ZNF700: variants seen among roughly 807,000 people sequenced by gnomAD.
ZNF700 encodes the protein zinc finger protein 700.
ZNF700 carries 38 observed loss-of-function variants against 65.3 expected under a neutral mutation model. The observed-to-expected ratio is 0.58, with a 90% CI of 0.45 to 0.76. The LOEUF is 0.76. Ranked by LOEUF, ZNF700 falls within the 30% of genes least tolerant of loss-of-function variation. The pLI, the probability that ZNF700 is intolerant of heterozygous loss-of-function variation, is 0.00. For synonymous variants in ZNF700, 285 were observed against 290.4 expected, an observed-to-expected ratio of 0.98 and a Z score of 0.19; for missense variants, 857 against 888.4, an observed-to-expected ratio of 0.96 and a Z score of 0.45.
In ZNF700 at chr19:11,933,826, C is replaced by T. The variant is rs552450802; in HGVS notation, c.63+8553C>T. 1.6e-4 allele frequency among the ~76,000 whole-genome samples: 22 copies of T among 141,280 alleles called. 1 individual carries two copies. The South Asian group carries it at 3.7e-3, about 24-fold the overall frequency. 92.7% of individuals were successfully genotyped at this position (141,280 alleles called of 152,430 possible). ...CGCCACTGCACTCTAGCCTGGGTGACGGAGCAAGACTCCATCTCAGAAAAA... is the reference window on the plus strand; with the variant it reads ...CGCCACTGCACTCTAGCCTGGGTGATGGAGCAAGACTCCATCTCAGAAAAA... On this transcript the variant is annotated intron_variant, in intron 1 of 3. Coordinates refer to ENST00000254321, the MANE Select transcript of ZNF700 (RefSeq NM_144566.3).
chr19:11,942,909 T>A (rs1370878778), intron 1 of ZNF700, among the ~76,000 whole-genome samples: 1 of 152,168 alleles, frequency 6.6e-6, no homozygotes, highest in Non-Finnish European at 1.5e-5. Context: ...CCTTCCTTAT[T>A]CCCCCCTTTG....
Position 11,948,719 on chromosome 19 carries a change from A to T in ZNF700, c.695A>T (p.His232Leu), listed in dbSNP as rs1305618301. ...TGTAAATTTTGTGGGAAAGCCTTCC[A>T]TTCTTTCAGTTTATATCTTATCCAT... ...YKCKFCGKAFHSFSLYLIHER... is the reference protein window; with the variant it reads ...YKCKFCGKAFLSFSLYLIHER... Residue 232 changes from histidine (H) to leucine (L), a missense_variant, in exon 4 of 4, where the codon CAT (histidine) becomes CTT (leucine). Physicochemically the swap from His to Leu is moderately conservative, Grantham distance 99 (BLOSUM62 -3). Coordinates refer to ENST00000254321, the MANE Select transcript of ZNF700 (RefSeq NM_144566.3). 1 of 1,612,976 alleles carries T rather than the reference A, an allele frequency of 6.2e-7. No homozygotes were observed. Among genetic ancestry groups the T allele is most frequent in the Non-Finnish European group, 8.5e-7 (1 of 1,179,784 alleles).
intron 1 of ZNF700, among the ~76,000 whole-genome samples, chr19:11,936,578 C>G (rs1972799760): frequency 6.6e-6 from 1 of 152,080 alleles, no homozygotes. Flanking sequence ...CTTGTAGATT[C>G]TGGATATTAG....
At chr19:11,935,248 T>TC (rs1436504042) in intron 1 of ZNF700, among the ~76,000 whole-genome samples, 2 of 141,148 alleles carry the variant, frequency 1.4e-5, no homozygotes, top group East Asian at 4.1e-4. Context: ...TTTTTTTTTT[T>TC]TTTTTTGAGA....
chr19:11,946,926 G>C lies in ZNF700; in HGVS notation c.64-255G>C, dbSNP rs138680695. 6.8e-6 allele frequency: 4 copies of C among 588,260 alleles called. No individual in the cohort carries two copies. In the Admixed American group the frequency reaches 1.3e-4, roughly 20 times the overall value. 36.4% of individuals were successfully genotyped at this position (588,260 alleles called of 1,614,324 possible). On this transcript the variant is annotated intron_variant, in intron 1 of 3. Transcript: ENST00000254321. Reference sequence around the variant, plus strand: ...GAGGCAGGAGAATCGCTTGAACCCCGGTGGTGAGCCAATATCACGCCATTG... The same window carrying C: ...GAGGCAGGAGAATCGCTTGAACCCCCGTGGTGAGCCAATATCACGCCATTG...
chr19:11,949,430 C>T lies in ZNF700; in HGVS notation c.1406C>T (p.Thr469Ile), dbSNP rs745396087. Reference protein sequence around the residue: ...SHLRVHGRTHTGEKPYECKEC... With the variant: ...SHLRVHGRTHIGEKPYECKEC... ...CTTCGAGTGCATGGTAGGACTCATA[C>T]TGGAGAGAAACCCTATGAATGTAAG... The change falls in exon 4 of 4, where the codon ACT (threonine) becomes ATT (isoleucine). Residue 469 changes from threonine (T) to isoleucine (I), a missense_variant. Thr to Ile is a moderately conservative substitution (Grantham distance 89). Coordinates refer to ENST00000254321, the MANE Select transcript of ZNF700 (RefSeq NM_144566.3). 5 of 1,612,938 alleles carry T rather than the reference C, an allele frequency of 3.1e-6. No individual in the cohort carries two copies. The African/African-American group carries it at 4.0e-5, about 13-fold the overall frequency.
At chr19:11,931,936 A>G (rs1332373007) in intron 1 of ZNF700, among the ~76,000 whole-genome samples, 1 of 147,724 alleles carries the variant, frequency 6.8e-6, no homozygotes, top group Non-Finnish European at 1.5e-5. Flanking sequence ...ACGAGCATGG[A>G]GAAACCCCAT....
At chr19:11,942,673 G>A (rs1450239085) in intron 1 of ZNF700, among the ~76,000 whole-genome samples, 4 of 152,216 alleles carry the variant, frequency 2.6e-5, no homozygotes, top group African/African-American at 9.7e-5. Flanking sequence ...GGGGCTGCAT[G>A]CATCGGTAAC....
intron 1 of ZNF700, among the ~76,000 whole-genome samples, chr19:11,930,959 A>G (rs1872887334): frequency 6.9e-6 from 1 of 145,778 alleles, no homozygotes; most frequent in Non-Finnish European, 1.5e-5. Flanking sequence ...AGATTGCGCC[A>G]TTGCTCTCTA....
At chr19:11,929,422 C>A (rs1972681886) in intron 1 of ZNF700, among the ~76,000 whole-genome samples, 1 of 148,480 alleles carries the variant, frequency 6.7e-6, no homozygotes, top group Non-Finnish European at 1.5e-5. Flanking sequence ...CTTGGCCTCC[C>A]AGAATGGTGG....
intron 3 of ZNF700, 86 bp downstream of exon 3, chr19:11,947,660 C>G (rs1007437956): frequency 8.2e-7 from 1 of 1,217,668 alleles, no homozygotes; most frequent in Non-Finnish European, 1.2e-6. Context: ...AAACAAAGAA[C>G]TAAATCCAGC....
chr19:11,935,691 C>T (rs1006498499), intron 1 of ZNF700, among the ~76,000 whole-genome samples: 2 of 152,126 alleles, frequency 1.3e-5, no homozygotes, highest in African/African-American at 2.4e-5. Flanking sequence ...CCAAAACAGA[C>T]AGTTTTACTT....
Position 11,925,281 on chromosome 19 carries a change from T to C in ZNF700, c.63+8T>C, listed in dbSNP as rs189709563. ...TCTGAAAGCCGGGAAATGGTGCGTGTGCGGGACCAGATGTCGTGAGACGGG... is the reference window on the plus strand; with the variant it reads ...TCTGAAAGCCGGGAAATGGTGCGTGCGCGGGACCAGATGTCGTGAGACGGG... On this transcript the variant is annotated splice_region_variant and intron_variant, in intron 1 of 3. Transcript: ENST00000254321. The C allele has an allele frequency of 6.2e-7, 1 of 1,611,500 alleles. No individual in the cohort carries two copies.
At position 11,949,054 on chromosome 19, in the gene ZNF700, T is replaced by C; in HGVS notation, c.1030T>C (p.Ser344Pro). The C allele has an allele frequency of 1.2e-6, 2 of 1,608,788 alleles. No homozygotes were observed. The highest frequency in any genetic ancestry group is 1.7e-6 in the Non-Finnish European group (2 of 1,178,948). ...ATGTAAGCAATATGGGGAAGGCTTA[T>C]CCTATCTTATAAGTTTTCAAACACA... is the stretch of plus-strand genomic sequence containing the variant. ...YECKQYGEGL[S>P]YLISFQTHIR... is the part of the protein sequence containing the mutation. The change falls in exon 4 of 4, where the codon TCC (serine) becomes CCC (proline). Residue 344 changes from serine to proline, a missense_variant. By Grantham distance (74) the Ser-to-Pro change is moderately conservative (BLOSUM62 -1). This residue lies in a region of ZNF700 where 603 missense variants were observed against 619.9 expected (regional missense o/e 0.97). Transcript: ENST00000254321.
intron 1 of ZNF700, among the ~76,000 whole-genome samples, chr19:11,940,484 A>C (rs1972864315): frequency 2.0e-5 from 3 of 151,536 alleles, no homozygotes; most frequent in Admixed American, 2.0e-4. Context: ...AACAGCTCTT[A>C]AGGCAGCGCG....
chr19:11,940,560 C>G (rs1035034678), intron 1 of ZNF700, among the ~76,000 whole-genome samples: 4 of 152,070 alleles, frequency 2.6e-5, no homozygotes, highest in Non-Finnish European at 5.9e-5. Context: ...AAGCTGCAGA[C>G]CTTTGTGGTG....
intron 1 of ZNF700, among the ~76,000 whole-genome samples, chr19:11,936,381 T>C (rs917605179): frequency 1.3e-5 from 2 of 152,258 alleles, no homozygotes; most frequent in African/African-American, 4.8e-5. Context: ...ATTGCCATTC[T>C]AACTGGCGTG....
rs777365951 is a variant in ZNF700 at position 11,950,301 on chromosome 19, C to T, written c.*48C>T. ...AATAGACTCACACTGGAAGGAAGCA[C>T]TATGAATGCAAGCAATGTGGCAAAA... On this transcript the variant is annotated 3_prime_UTR_variant, in exon 4 of 4. Transcript: ENST00000254321. 4.9e-5 allele frequency: 77 copies of T among 1,561,686 alleles called. No individual in the cohort carries two copies. In the Middle Eastern group the frequency reaches 5.1e-4, roughly 10 times the overall value.
intron 1 of ZNF700, among the ~76,000 whole-genome samples, chr19:11,925,600 C>T (rs1194331783): frequency 6.6e-6 from 1 of 152,160 alleles, no homozygotes; most frequent in Admixed American, 6.5e-5. Flanking sequence ...CATCCTGACT[C>T]GGGTGTGGGG....
Sources: allele counts gnomAD v4.1 joint callset (sites outside exome capture counted in the v4.1 genomes callset), GRCh38; gene constraint gnomAD v4.1.1; regional missense constraint gnomAD v4.1.1; transcripts MANE v1.5; gene names NCBI Gene and HGNC (gene_info 2026-07-23, HGNC 2026-07-21).